PIP5K1A: variants seen among roughly 807,000 people sequenced by gnomAD.
PIP5K1A encodes phosphatidylinositol 4-phosphate 5-kinase type-1 alpha.
PIP5K1A carries 46 observed loss-of-function variants against 72.9 expected under a neutral mutation model. The observed-to-expected ratio is 0.63, with a 90% CI of 0.50 to 0.81. PIP5K1A has a LOEUF of 0.81. Among genes scored for constraint, PIP5K1A ranks in the 30% least tolerant of loss-of-function variants. The probability of loss-of-function intolerance (pLI) is 0.00; values close to 1 mark genes in which losing one functional copy is unlikely to be tolerated. For missense variants in PIP5K1A, 458 were observed against 706.1 expected (o/e 0.65, Z 3.98); for synonymous variants, 228 against 255.1 (o/e 0.89, Z 1.01).
Position 151,242,285 on chromosome 1 carries a change from G to C in PIP5K1A, c.1510+16G>C, listed in dbSNP as rs1362405925. 1 of 1,613,852 alleles carries C rather than the reference G, an allele frequency of 6.2e-7. No homozygotes were observed. The highest frequency in any genetic ancestry group is 2.2e-5 in the East Asian group (1 of 44,872). Reference sequence around the variant, plus strand: ...GTGGAGCCAGGTCAGCGCTAGGGCTGGGGTCCCCATGTGATTGGGTACTCC... The same window carrying C: ...GTGGAGCCAGGTCAGCGCTAGGGCTCGGGTCCCCATGTGATTGGGTACTCC... On this transcript the variant is annotated intron_variant, in intron 13 of 15. Coordinates refer to ENST00000368888, the MANE Select transcript of PIP5K1A (RefSeq NM_001135638.2).
At chr1:151,240,460 T>C (rs1691521801) in intron 12 of PIP5K1A, among the ~76,000 whole-genome samples, 1 of 152,230 alleles carries the variant, frequency 6.6e-6, no homozygotes, top group South Asian at 2.1e-4. Context: ...GCTTAGCACA[T>C]GTTTTTAGTC....
chr1:151,221,245 G>A (rs966164210), intron 1 of PIP5K1A, among the ~76,000 whole-genome samples: 8 of 152,146 alleles, frequency 5.3e-5, no homozygotes, highest in Non-Finnish European at 7.4e-5. Flanking sequence ...AAATATATCA[G>A]CATTGCAGTT....
At chr1:151,221,934 A>C (rs1324741521) in intron 1 of PIP5K1A, among the ~76,000 whole-genome samples, 1 of 151,978 alleles carries the variant, frequency 6.6e-6, no homozygotes, top group African/African-American at 2.4e-5. Context: ...CAAAAAAAGC[A>C]AAATCAGCTG....
intron 1 of PIP5K1A, among the ~76,000 whole-genome samples, chr1:151,219,703 GA>G (rs1426512241): frequency 6.6e-6 from 1 of 150,808 alleles, no homozygotes; most frequent in East Asian, 2.0e-4. Context: ...TAAAAAAAAA[GA>G]AACAAAACTG....
intron 12 of PIP5K1A, 89 bp from the exon 13 acceptor site, chr1:151,242,034 G>A (rs1043140907): frequency 1.5e-6 from 2 of 1,373,602 alleles, no homozygotes; most frequent in African/African-American, 2.9e-5. Flanking sequence ...TTGGGTGTGT[G>A]TTGGGGATAC....
chr1:151,210,247 G>A (rs1686610417), intron 1 of PIP5K1A, among the ~76,000 whole-genome samples: 1 of 150,026 alleles, frequency 6.7e-6, no homozygotes, highest in Non-Finnish European at 1.5e-5. Flanking sequence ...CCAGGGTGGT[G>A]TGCAATGGCA....
At chr1:151,210,104 G>A (rs1460707208) in intron 1 of PIP5K1A, among the ~76,000 whole-genome samples, 1 of 151,782 alleles carries the variant, frequency 6.6e-6, no homozygotes, top group African/African-American at 2.4e-5. Flanking sequence ...GGTTGGTCTC[G>A]AACTCCTGAC....
At chr1:151,219,425 G>T (rs1039805005) in intron 1 of PIP5K1A, among the ~76,000 whole-genome samples, 2 of 151,358 alleles carry the variant, frequency 1.3e-5, no homozygotes, top group South Asian at 2.1e-4. Flanking sequence ...GGTGGCTCAT[G>T]CCTATAATCC....
At position 151,202,182 on chromosome 1, in the gene PIP5K1A, T is replaced by G. The variant is rs1219343680; in HGVS notation, c.85+3101T>G. ...AGTGGCTTATCAAAAACTGTCAATA[T>G]GTCCTTGGCTATGACATTTTTGTTT... is the stretch of plus-strand genomic sequence containing the variant. On this transcript the variant is annotated intron_variant, in intron 1 of 15. Transcript: ENST00000368888. Among the ~76,000 whole-genome samples the G allele has an allele frequency of 2.0e-5, 3 of 152,230 alleles. No individual in the cohort carries two copies. In the East Asian group the frequency reaches 5.8e-4, roughly 29 times the overall value.
At chr1:151,219,133 C>T (rs1289145585) in intron 1 of PIP5K1A, among the ~76,000 whole-genome samples, 1 of 152,198 alleles carries the variant, frequency 6.6e-6, no homozygotes, top group Non-Finnish European at 1.5e-5. Flanking sequence ...ATAATCCCAG[C>T]ACTTTGGAAG....
At chr1:151,233,947 A>G (rs1281256652) in intron 7 of PIP5K1A, among the ~76,000 whole-genome samples, 1 of 152,130 alleles carries the variant, frequency 6.6e-6, no homozygotes, top group Non-Finnish European at 1.5e-5. Flanking sequence ...CTGAAGAAAT[A>G]TATCCATCTT....
chr1:151,230,095 A>G (rs974962034), intron 4 of PIP5K1A, among the ~76,000 whole-genome samples: 4 of 152,210 alleles, frequency 2.6e-5, no homozygotes, highest in African/African-American at 9.6e-5. Flanking sequence ...CTCAAGAAAA[A>G]AAAAACAAAA....
Position 151,229,900 on chromosome 1 carries a change from G to A in PIP5K1A, c.238-1771G>A, listed in dbSNP as rs587718895. ...AGATCGAGATCATCCTGGCTAACAC[G>A]GTGAAACCCCATCTCTACTAAAAAA... On this transcript the variant is annotated intron_variant, in intron 4 of 15. Transcript: ENST00000368888. Among the ~76,000 whole-genome samples the A allele has an allele frequency of 3.4e-4, 52 of 151,658 alleles. 1 individual carries two copies. The highest frequency in any genetic ancestry group is 3.9e-4 in the East Asian group (2 of 5,096).
At chr1:151,236,115 G>T (rs1412020275) in intron 8 of PIP5K1A, among the ~76,000 whole-genome samples, 4 of 133,312 alleles carry the variant, frequency 3.0e-5, no homozygotes, top group Non-Finnish European at 6.3e-5. Context: ...GCAAGACTCC[G>T]TCTCAAAAAA....
upstream of PIP5K1A, chr1:151,198,543 C>CG (rs1684749975): frequency 5.1e-6 from 1 of 196,700 alleles, no homozygotes; most frequent in Admixed American, 5.5e-5. Context: ...GGCGCATGCG[C>CG]AGTGCTCGGA....
At chr1:151,200,748 T>C (rs587760268) in intron 1 of PIP5K1A, among the ~76,000 whole-genome samples, 17 of 152,296 alleles carry the variant, frequency 1.1e-4, no homozygotes, top group African/African-American at 3.6e-4. Flanking sequence ...ATAAAAGTAT[T>C]AGGGGACCAG....
At chr1:151,232,157 CA>C in intron 5 of PIP5K1A, 90 bp from the exon 6 acceptor site, 1 of 840,468 alleles carries the variant, frequency 1.2e-6, no homozygotes, top group Non-Finnish European at 2.1e-6. Context: ...CCACTCCCCC[CA>C]CCATGAGGTG....
Position 151,232,577 on chromosome 1 carries a change from T to C in PIP5K1A, c.513T>C (p.Ile171=). ...YLYSLCSEPL[I]ELCSSGASGS... ...ATTCCCTCTGCAGTGAGCCGCTGAT[T>C]GAACTCTGTAGCTCTGGAGCTAGTG... is the stretch of plus-strand genomic sequence containing the variant. Residue 171 remains isoleucine (I), a synonymous_variant, in exon 7 of 16, where the codon ATT becomes ATC. Coordinates refer to ENST00000368888, the MANE Select transcript of PIP5K1A (RefSeq NM_001135638.2). 1 of 1,607,208 alleles carries C rather than the reference T, an allele frequency of 6.2e-7. No individual in the cohort carries two copies. The highest frequency in any genetic ancestry group is 1.1e-5 in the South Asian group (1 of 90,286).
At chr1:151,234,998 C>G (rs587752070) in intron 8 of PIP5K1A, among the ~76,000 whole-genome samples, 2 of 152,338 alleles carry the variant, frequency 1.3e-5, no homozygotes, top group African/African-American at 4.8e-5. Context: ...AGCTTTGTTT[C>G]TCAACAAGCT....
Sources: allele counts gnomAD v4.1 joint callset (sites outside exome capture counted in the v4.1 genomes callset), GRCh38; gene constraint gnomAD v4.1.1; transcripts MANE v1.5; gene names NCBI Gene and HGNC (gene_info 2026-07-23, HGNC 2026-07-21).